Variants in IFT81 observed in about 807,000 individuals in gnomAD.
IFT81 encodes the protein intraflagellar transport protein 81 homolog.
IFT81 carries 72 observed loss-of-function variants against 102.6 expected under a neutral mutation model. The observed-to-expected ratio is 0.70, with a 90% confidence interval of 0.58 to 0.85. The LOEUF (loss-of-function observed/expected upper bound fraction) is 0.85. IFT81 is among the 40% of genes least tolerant of loss of function. The probability of loss-of-function intolerance (pLI) is 0.00; values close to 1 mark genes in which losing one functional copy is unlikely to be tolerated. For synonymous variants in IFT81, 237 were observed against 242.7 expected (o/e 0.98, Z 0.22); for missense variants, 723 against 787.3 (o/e 0.92, Z 0.98).
intron 10 of IFT81, among the ~76,000 whole-genome samples, chr12:110,157,149 A>G (rs1405505392): frequency 6.6e-6 from 1 of 151,906 alleles, no homozygotes; most frequent in Non-Finnish European, 1.5e-5. Context: ...GGAGTTTGAG[A>G]CCAGCCTGGC....
At chr12:110,137,040 A>G (rs1489197323) in intron 8 of IFT81, among the ~76,000 whole-genome samples, 180 bp downstream of exon 8, 1 of 152,238 alleles carries the variant, frequency 6.6e-6, no homozygotes. Flanking sequence ...TTTTCACCAG[A>G]TGTTTTTAAA....
intron 11 of IFT81, among the ~76,000 whole-genome samples, chr12:110,172,843 C>T (rs1896808263): frequency 1.3e-5 from 2 of 151,868 alleles, no homozygotes; most frequent in Non-Finnish European, 2.9e-5. Flanking sequence ...TCTGCCTGGC[C>T]GCCCATCGTC....
rs1030876786 is a variant in IFT81 at position 110,146,188 on chromosome 12, A to G, written c.946-765A>G. ...CTCTAATCTTTCAAAGGATGGATACACTGAAAACCATGGTTTTTGTTTTGA... is the reference window on the plus strand; with the variant it reads ...CTCTAATCTTTCAAAGGATGGATACGCTGAAAACCATGGTTTTTGTTTTGA... On this transcript the variant is annotated intron_variant, in intron 9 of 18. Coordinates refer to ENST00000242591, the MANE Select transcript of IFT81 (RefSeq NM_014055.4). 4.6e-5 allele frequency among the ~76,000 whole-genome samples: 7 copies of G among 152,338 alleles called. No individual in the cohort carries two copies. The East Asian group carries it at 1.3e-3, about 29-fold the overall frequency.
At chr12:110,213,837 G>A (rs1214729551) in intron 18 of IFT81, among the ~76,000 whole-genome samples, 1 of 152,124 alleles carries the variant, frequency 6.6e-6, no homozygotes, top group Non-Finnish European at 1.5e-5. Context: ...AATTTGGCCA[G>A]TGGAAGCCTC....
intron 12 of IFT81, among the ~76,000 whole-genome samples, chr12:110,184,590 T>C (rs980500128): frequency 6.6e-6 from 1 of 152,110 alleles, no homozygotes; most frequent in Non-Finnish European, 1.5e-5. Flanking sequence ...GACATACTTA[T>C]GAAGGGTAAA....
intron 18 of IFT81, chr12:110,216,420 C>G: frequency 2.3e-6 from 1 of 442,836 alleles, no homozygotes; most frequent in Non-Finnish European, 4.5e-6. Context: ...GCCTTGAACT[C>G]CCCAGCTCAA....
intron 4 of IFT81, among the ~76,000 whole-genome samples, chr12:110,131,498 C>T (rs960298281): frequency 6.6e-6 from 1 of 151,916 alleles, no homozygotes; most frequent in African/African-American, 2.4e-5. Flanking sequence ...AGGTGTGCGC[C>T]ACTGTGCCCA....
At chr12:110,157,164 A>G (rs929793412) in intron 10 of IFT81, among the ~76,000 whole-genome samples, 1 of 152,050 alleles carries the variant, frequency 6.6e-6, no homozygotes, top group African/African-American at 2.4e-5. Context: ...CCTGGCCAAT[A>G]TGGTGAAACC....
intron 11 of IFT81, among the ~76,000 whole-genome samples, chr12:110,173,703 CT>C (rs970263534): frequency 6.6e-6 from 1 of 152,160 alleles, no homozygotes; most frequent in Admixed American, 6.5e-5. Context: ...GCTGTGTCCA[CT>C]CAGGGTTAAA....
At chr12:110,158,911 A>G (rs920331630) in intron 10 of IFT81, among the ~76,000 whole-genome samples, 4 of 140,942 alleles carry the variant, frequency 2.8e-5, no homozygotes, top group African/African-American at 1.1e-4. Context: ...TTTAGTAGAG[A>G]TGGGGTTTCA....
At chr12:110,134,157 C>T (rs193235638) in intron 5 of IFT81, among the ~76,000 whole-genome samples, 5 of 152,276 alleles carry the variant, frequency 3.3e-5, no homozygotes, top group South Asian at 2.1e-4. Context: ...CTTGCCACCA[C>T]GCCTGGCTAG....
intron 10 of IFT81, among the ~76,000 whole-genome samples, chr12:110,158,791 T>A (rs542316454): frequency 6.6e-6 from 1 of 151,912 alleles, no homozygotes; most frequent in African/African-American, 2.4e-5. Context: ...GGGTTTCACC[T>A]GTTAGCCAGG....
chr12:110,215,501 A>G (rs1869987868), intron 18 of IFT81, among the ~76,000 whole-genome samples: 1 of 110,252 alleles, frequency 9.1e-6, no homozygotes, highest in Non-Finnish European at 1.6e-5. Flanking sequence ...CTCACTCGTC[A>G]CCTGGGCTGG....
In IFT81 at chr12:110,179,361, G is replaced by A. The variant is rs145150970; in HGVS notation, c.1189-1061G>A. 3.2e-4 allele frequency among the ~76,000 whole-genome samples: 48 copies of A among 152,030 alleles called. No individual in the cohort carries two copies. The East Asian group carries it at 7.8e-3, about 25-fold the overall frequency. On this transcript the variant is annotated intron_variant, in intron 11 of 18. Transcript: ENST00000242591. ...TTTTTGACCTTTTTATTTTTATAAG[G>A]TTGTCTTTCTGTTTTCCTAATCCTT...
chr12:110,206,617 G>A (rs977278559), intron 17 of IFT81, among the ~76,000 whole-genome samples: 1 of 150,508 alleles, frequency 6.6e-6, no homozygotes, highest in African/African-American at 2.4e-5. Flanking sequence ...AGGGGCTGCA[G>A]TAAGCCGAAA....
At chr12:110,209,393 G>C (rs901366133) in intron 18 of IFT81, among the ~76,000 whole-genome samples, 177 bp downstream of exon 18, 1 of 152,146 alleles carries the variant, frequency 6.6e-6, no homozygotes, top group South Asian at 2.1e-4. Flanking sequence ...CAGAAATAAA[G>C]TCACGATGGA....
intron 4 of IFT81, among the ~76,000 whole-genome samples, chr12:110,130,147 T>C (rs1391002013): frequency 6.6e-6 from 1 of 152,184 alleles, no homozygotes; most frequent in East Asian, 1.9e-4. Flanking sequence ...AGAGTCAATA[T>C]TGATCTCTTA....
Position 110,124,405 on chromosome 12 carries a change from C to G in IFT81, c.-478C>G, listed in dbSNP as rs1326585229. The G allele has an allele frequency of 6.6e-6, 1 of 152,104 alleles. No individual in the cohort carries two copies. The highest frequency in any genetic ancestry group is 1.5e-5 in the Non-Finnish European group (1 of 68,138). 9.4% of individuals were successfully genotyped at this position (152,104 alleles called of 1,614,324 possible). ...GAGCGGTCTAGAGCCCGGGCGCCTC[C>G]TGGGGGGTGGGGAAACGGTTTCGTG... is the stretch of plus-strand genomic sequence containing the variant. On this transcript the variant is annotated 5_prime_UTR_variant, in exon 1 of 19. Transcript: ENST00000242591.
chr12:110,163,111 A>G (rs758799129), intron 11 of IFT81, 46 bp downstream of exon 11: 8 of 1,502,548 alleles, frequency 5.3e-6, no homozygotes, highest in Middle Eastern at 3.5e-4. Context: ...TATTGTTTTT[A>G]TGTGAAACTA....
Sources: gnomAD v4.1 joint callset for allele counts (sites outside exome capture counted in the v4.1 genomes callset) on GRCh38, gnomAD v4.1.1 for gene constraint, MANE v1.5 for transcripts, NCBI Gene and HGNC (gene_info 2026-07-23, HGNC 2026-07-21) for gene names.